The following PRKCQ variants were observed in gnomAD, a reference collection of about 807,000 sequenced individuals.
The protein encoded by PRKCQ is protein kinase C theta type.
In PRKCQ, 41 loss-of-function variants were observed where a neutral mutation model predicts 91.2. The observed-to-expected ratio is 0.45, with a 90% CI of 0.35 to 0.58. The LOEUF (loss-of-function observed/expected upper bound fraction) is 0.58, where lower values mean the gene tolerates loss of function less well. Ranked by LOEUF, PRKCQ falls within the 20% of genes least tolerant of loss-of-function variation. PRKCQ has a pLI of 0.00. For missense variants in PRKCQ, 673 were observed against 896.5 expected (o/e 0.75, Z 3.18); for synonymous variants, 307 against 316.9 (o/e 0.97, Z 0.33).
intron 7 of PRKCQ, among the ~76,000 whole-genome samples, chr10:6,495,413 C>G (rs536089676): frequency 1.7e-4 from 26 of 152,304 alleles, no homozygotes; most frequent in African/African-American, 6.0e-4. Context: ...GGTCTTCCAG[C>G]CTGTAAGGAG....
At chr10:6,547,633 AG>A (rs1473787593) in intron 1 of PRKCQ, among the ~76,000 whole-genome samples, 1 of 150,592 alleles carries the variant, frequency 6.6e-6, no homozygotes, top group Non-Finnish European at 1.5e-5. Context: ...CAATGAGGAA[AG>A]GATTCCCTAT....
the PRKCQ span, among the ~76,000 whole-genome samples, chr10:6,408,520 A>G: frequency 6.6e-6 from 1 of 151,926 alleles, no homozygotes; most frequent in Non-Finnish European, 1.5e-5. Flanking sequence ...ACACCCAGCT[A>G]ATTTTTGTAT....
At chr10:6,519,841 A>G (rs1588375018) in intron 1 of PRKCQ, among the ~76,000 whole-genome samples, 1 of 152,266 alleles carries the variant, frequency 6.6e-6, no homozygotes, top group Non-Finnish European at 1.5e-5. Flanking sequence ...AGCTTTCTGA[A>G]TATATCTGAC....
chr10:6,418,895 CTAT>C, the PRKCQ span, among the ~76,000 whole-genome samples: 2 of 123,938 alleles, frequency 1.6e-5, no homozygotes, highest in African/African-American at 2.5e-5. Flanking sequence ...GTTTATCCAT[CTAT>C]TACTCATCCA....
chr10:6,428,103 G>GTGTT lies in PRKCQ; in HGVS notation c.*100_*103dup. Reference sequence around the variant, plus strand: ...AACGGGTCTCAGTCTTTATTGTTGAGTGTTTCTTTCTTTTTCCAAGTTGAA... The same window carrying GTGTT: ...AACGGGTCTCAGTCTTTATTGTTGAGTGTTTGTTTCTTTCTTTTTCCAAGTTGAA... On this transcript the variant is annotated 3_prime_UTR_variant, in exon 18 of 18. Transcript: ENST00000263125. The GTGTT allele has an allele frequency of 2.8e-6, 4 of 1,436,220 alleles. No homozygotes were observed. The highest frequency in any genetic ancestry group is 1.2e-5 in the South Asian group (1 of 82,900). The allele number at this position is 1,436,220 out of a possible 1,614,324, so 89.0% of individuals were successfully genotyped here.
chr10:6,481,992 TC>T (rs1231975083), intron 11 of PRKCQ, among the ~76,000 whole-genome samples: 1 of 144,480 alleles, frequency 6.9e-6, no homozygotes, highest in Admixed American at 7.1e-5. Context: ...TCTTCTCACC[TC>T]CCCTTTTTTT....
intron 1 of PRKCQ, among the ~76,000 whole-genome samples, chr10:6,579,865 A>T (rs1450574422): frequency 2.7e-5 from 4 of 148,790 alleles, no homozygotes; most frequent in Non-Finnish European, 5.9e-5. Flanking sequence ...TACCAAGAAT[A>T]CAAAAACTTT....
At chr10:6,394,735 A>G in the PRKCQ span, among the ~76,000 whole-genome samples, 1 of 152,384 alleles carries the variant, frequency 6.6e-6, no homozygotes, top group Admixed American at 6.5e-5. Context: ...AGGAGGAGAA[A>G]GAAAATCCAT....
At chr10:6,436,736 G>C (rs1476720731) in intron 16 of PRKCQ, among the ~76,000 whole-genome samples, 1 of 152,184 alleles carries the variant, frequency 6.6e-6, no homozygotes, top group Non-Finnish European at 1.5e-5. Context: ...TAGATCAATA[G>C]TTTGTTCCTT....
chr10:6,427,538 A>G lies in PRKCQ; in HGVS notation c.*669T>C, dbSNP rs190594970. The G allele has an allele frequency of 6.6e-6, 1 of 152,566 alleles. No individual in the cohort carries two copies. Among genetic ancestry groups the G allele is most frequent in the Non-Finnish European group, 1.5e-5 (1 of 68,220 alleles). The allele number at this position is 152,566 out of a possible 1,614,324, so 9.5% of individuals were successfully genotyped here. On this transcript the variant is annotated 3_prime_UTR_variant, in exon 18 of 18. Coordinates refer to ENST00000263125, the MANE Select transcript of PRKCQ (RefSeq NM_006257.5). ...ATACTATCTTTTCTATCTTGACAAG[A>G]TAACAAGCGAAGGTGTCTAGCAAAC...
At chr10:6,508,105 T>C (rs547274984) in intron 3 of PRKCQ, among the ~76,000 whole-genome samples, 2 of 152,336 alleles carry the variant, frequency 1.3e-5, no homozygotes, top group South Asian at 2.1e-4. Flanking sequence ...TGTATATAAA[T>C]ACATACTTCA....
At chr10:6,530,752 G>A (rs1007856304) in intron 1 of PRKCQ, among the ~76,000 whole-genome samples, 1 of 152,210 alleles carries the variant, frequency 6.6e-6, no homozygotes, top group African/African-American at 2.4e-5. Flanking sequence ...CAGTTGTTTG[G>A]GGTTTAGAAT....
At chr10:6,477,907 A>G (rs11812921) in intron 12 of PRKCQ, among the ~76,000 whole-genome samples, 1 of 152,080 alleles carries the variant, frequency 6.6e-6, no homozygotes, top group East Asian at 1.9e-4. Context: ...AAGAAAGAAA[A>G]CAGAAAATGG....
chr10:6,486,873 G>A (rs775509452), intron 8 of PRKCQ, among the ~76,000 whole-genome samples: 1 of 152,196 alleles, frequency 6.6e-6, no homozygotes, highest in African/African-American at 2.4e-5. Context: ...GATATCAGAC[G>A]GTGGAGCCGG....
Position 6,456,674 on chromosome 10 carries a change from C to G in PRKCQ, c.1647G>C (p.Glu549Asp). Residue 549 changes from glutamate to aspartate, a missense_variant and splice_region_variant, in exon 15 of 18, where the codon GAG becomes GAC. Transcript: ENST00000263125. ...GAGCAGCCTGTCACTGCATTCCTAC[C>G]TCTGGGGCGATGTAGTCAGGTGTCC... is the stretch of plus-strand genomic sequence containing the variant. ...FCGTPDYIAP[E>D]ILLGQKYNHS... 1 of 1,614,008 alleles carries G rather than the reference C, an allele frequency of 6.2e-7. No homozygotes were observed.
In PRKCQ at chr10:6,427,836, CT is replaced by C. The variant is rs1182906442; in HGVS notation, c.*370del. ...TGAGACGTCTGTACTCCGTTTGCCC[CT>C]GATTCAACAAGCATTTCATTGATCA... On this transcript the variant is annotated 3_prime_UTR_variant, in exon 18 of 18. Transcript: ENST00000263125. The C allele has an allele frequency of 3.2e-5, 8 of 249,690 alleles. No individual in the cohort carries two copies. The highest frequency in any genetic ancestry group is 1.9e-4 in the African/African-American group (8 of 42,932). 15.5% of individuals were successfully genotyped at this position (249,690 alleles called of 1,614,324 possible).
the PRKCQ span, among the ~76,000 whole-genome samples, chr10:6,416,349 C>G: frequency 6.8e-6 from 1 of 147,174 alleles, no homozygotes; most frequent in African/African-American, 2.4e-5. Context: ...CTGTGCAGAC[C>G]TTTGTCCCTC....
the PRKCQ span, among the ~76,000 whole-genome samples, chr10:6,400,258 T>G: frequency 6.6e-6 from 1 of 152,190 alleles, no homozygotes; most frequent in East Asian, 1.9e-4. Context: ...GTAATTTACT[T>G]GTTTGCTATG....
downstream of PRKCQ, chr10:6,427,041 C>T (rs1372268774): frequency 1.3e-5 from 2 of 152,234 alleles, no homozygotes; most frequent in Admixed American, 6.5e-5. Flanking sequence ...CAGCCAATCC[C>T]CCAACTGTAA....
Sources: allele counts gnomAD v4.1 joint callset (sites outside exome capture counted in the v4.1 genomes callset), GRCh38; gene constraint gnomAD v4.1.1; transcripts MANE v1.5; gene names NCBI Gene and HGNC (gene_info 2026-07-23, HGNC 2026-07-21).